MTMR7: variants seen among roughly 807,000 people sequenced by gnomAD.
MTMR7 encodes the protein myotubularin related protein 7.
MTMR7 carries 76 observed loss-of-function variants against 81.2 expected under a neutral mutation model. That is an observed-to-expected ratio of 0.94 (90% CI 0.78 to 1.13). The LOEUF is 1.13. Ranked by LOEUF, MTMR7 falls within the 50% of genes most tolerant of loss-of-function variation. MTMR7 has a pLI of 0.00. For missense variants in MTMR7, 1,044 were observed against 820.0 expected (o/e 1.27, Z -3.34); for synonymous variants, 372 against 289.8 (o/e 1.28, Z -2.88).
chr8:17,358,635 T>C (rs73563585), intron 4 of MTMR7, among the ~76,000 whole-genome samples: 4,609 of 152,242 alleles, frequency 0.03, 250 homozygotes, highest in African/African-American at 0.1. Flanking sequence ...CTTCAAAACA[T>C]TCCCCAAATA....
intron 1 of MTMR7, among the ~76,000 whole-genome samples, chr8:17,394,846 G>A (rs142033282): frequency 0.016 from 2,441 of 152,136 alleles, 44 homozygotes; most frequent in African/African-American, 0.046. Context: ...TAGTTCATTC[G>A]ACAAATTCAT....
chr8:17,308,870 G>A (rs546406142), intron 10 of MTMR7, among the ~76,000 whole-genome samples: 11 of 152,314 alleles, frequency 7.2e-5, no homozygotes, highest in South Asian at 2.1e-4. Context: ...ACTGCACTCC[G>A]ATACAAATGC....
chr8:17,364,359 A>T lies in MTMR7; in HGVS notation c.311-3085T>A, dbSNP rs150134859. On this transcript the variant is annotated intron_variant, in intron 3 of 13. Transcript: ENST00000180173. ...AAAAGTGATGTTATGATTTTTGACT[A>T]CAATGTGGAATGATTAATTCAAGCT... Among the ~76,000 whole-genome samples the T allele has an allele frequency of 3.5e-4, 54 of 152,272 alleles. No individual in the cohort carries two copies. The East Asian group carries it at 8.9e-3, about 25-fold the overall frequency.
intron 4 of MTMR7, among the ~76,000 whole-genome samples, chr8:17,360,593 G>C (rs1820030389): frequency 6.6e-6 from 1 of 151,840 alleles, no homozygotes; most frequent in Non-Finnish European, 1.5e-5. Context: ...TCATTAAGGA[G>C]AAGATGGGAT....
At chr8:17,356,373 C>G (rs1409121356) in intron 4 of MTMR7, among the ~76,000 whole-genome samples, 1 of 152,026 alleles carries the variant, frequency 6.6e-6, no homozygotes, top group Non-Finnish European at 1.5e-5. Flanking sequence ...TGGGTTTCTT[C>G]TAATATTTAC....
At chr8:17,367,720 G>A (rs926162480) in intron 3 of MTMR7, among the ~76,000 whole-genome samples, 2 of 152,112 alleles carry the variant, frequency 1.3e-5, no homozygotes, top group African/African-American at 4.8e-5. Context: ...TAAGTTGCCT[G>A]AATTCAGCAG....
chr8:17,365,614 A>AG (rs1436559505), intron 3 of MTMR7, among the ~76,000 whole-genome samples: 2 of 152,138 alleles, frequency 1.3e-5, no homozygotes, highest in Non-Finnish European at 2.9e-5. Flanking sequence ...CCTCACCCTA[A>AG]GGGGCCCCAT....
intron 5 of MTMR7, among the ~76,000 whole-genome samples, chr8:17,344,723 AT>A (rs1433089595): frequency 6.6e-6 from 1 of 152,216 alleles, no homozygotes; most frequent in Non-Finnish European, 1.5e-5. Flanking sequence ...TTTCTCATCT[AT>A]AAAATGGGTA....
At chr8:17,407,928 T>C (rs1268627033) in intron 1 of MTMR7, among the ~76,000 whole-genome samples, 3 of 152,176 alleles carry the variant, frequency 2.0e-5, no homozygotes, top group African/African-American at 7.2e-5. Context: ...CTGATGTCCG[T>C]CTATCACAGA....
At chr8:17,346,007 T>G (rs1176545172) in intron 5 of MTMR7, 1 of 152,230 alleles carries the variant, frequency 6.6e-6, no homozygotes, top group East Asian at 1.9e-4. Context: ...ATTTATGGAA[T>G]GTGTACCTGT....
chr8:17,401,410 G>T (rs1424128443), intron 1 of MTMR7, among the ~76,000 whole-genome samples: 1 of 152,040 alleles, frequency 6.6e-6, no homozygotes, highest in East Asian at 1.9e-4. Context: ...CAAGAACAGG[G>T]AGTGGGGTAG....
At chr8:17,334,282 T>C (rs1819153331) in intron 6 of MTMR7, among the ~76,000 whole-genome samples, 1 of 152,218 alleles carries the variant, frequency 6.6e-6, no homozygotes, top group South Asian at 2.1e-4. Context: ...AAAAATTCAA[T>C]GTTATCTTGG....
At chr8:17,341,221 G>T in intron 6 of MTMR7, 142 bp downstream of exon 6, 2 of 1,034,064 alleles carry the variant, frequency 1.9e-6, no homozygotes, top group Non-Finnish European at 2.8e-6. Context: ...CCAGCAGGGT[G>T]CCCAGACACT....
intron 6 of MTMR7, among the ~76,000 whole-genome samples, chr8:17,332,483 G>T (rs527241516): frequency 4.6e-5 from 7 of 152,280 alleles, no homozygotes; most frequent in African/African-American, 1.7e-4. Flanking sequence ...TGACCAAGAA[G>T]GAGGGCACAG....
chr8:17,300,198 C>G lies in MTMR7; in HGVS notation c.1647G>C (p.Gln549His). The change falls in exon 14 of 14, where the codon CAG becomes CAC. Residue 549 changes from glutamine to histidine, a missense_variant. Gln to His is a conservative substitution (Grantham distance 24). Transcript: ENST00000180173. ...EERLEKIQKV[Q>H]LNCTKVKSKQ... ...TACTCTTCACCTTAGTGCAATTTAACTGGACCTTTTGAATTTTTTCCAGCC... is the reference window on the plus strand; with the variant it reads ...TACTCTTCACCTTAGTGCAATTTAAGTGGACCTTTTGAATTTTTTCCAGCC... 6.2e-7 allele frequency: 1 copy of G among 1,606,646 alleles called. No individual in the cohort carries two copies. The highest frequency in any genetic ancestry group is 1.1e-5 in the South Asian group (1 of 90,226).
chr8:17,331,795 C>T (rs372787087), intron 6 of MTMR7, among the ~76,000 whole-genome samples: 1 of 152,160 alleles, frequency 6.6e-6, no homozygotes, highest in South Asian at 2.1e-4. Flanking sequence ...CCCAGTTAAA[C>T]CTTGAGCAGG....
At chr8:17,339,311 C>T (rs547526682) in intron 6 of MTMR7, among the ~76,000 whole-genome samples, 10 of 152,146 alleles carry the variant, frequency 6.6e-5, no homozygotes, top group African/African-American at 1.7e-4. Flanking sequence ...TTAAAGCATA[C>T]GACTCAATGG....
intron 1 of MTMR7, among the ~76,000 whole-genome samples, chr8:17,392,945 G>A (rs77137477): frequency 0.018 from 2,677 of 152,274 alleles, 39 homozygotes; most frequent in Non-Finnish European, 0.028. Flanking sequence ...AATGTACTAT[G>A]TGCCATGTTA....
intron 9 of MTMR7, among the ~76,000 whole-genome samples, chr8:17,309,686 G>A (rs934975224): frequency 1.3e-5 from 2 of 152,076 alleles, no homozygotes; most frequent in Non-Finnish European, 2.9e-5. Context: ...TTTCATATTC[G>A]CCCAAGATCA....
Sources: gnomAD v4.1 joint callset for allele counts (sites outside exome capture counted in the v4.1 genomes callset) on GRCh38, gnomAD v4.1.1 for gene constraint, MANE v1.5 for transcripts, NCBI Gene and HGNC (gene_info 2026-07-23, HGNC 2026-07-21) for gene names.